NRG1: variants seen among roughly 807,000 people sequenced by gnomAD.
The protein encoded by NRG1 is pro-neuregulin-1, membrane-bound isoform.
A neutral mutation model predicts 63.8 loss-of-function variants in NRG1; 18 were observed. The observed-to-expected ratio is 0.28, with a 90% CI of 0.19 to 0.42. NRG1 has a LOEUF of 0.42. Among genes scored for constraint, NRG1 ranks in the 10% least tolerant of loss-of-function variants. NRG1 has a pLI of 1.00. For synonymous variants in NRG1, 302 were observed against 301.3 expected (o/e 1.00, Z -0.02); for missense variants, 762 against 814.7 (o/e 0.94, Z 0.79).
At position 31,749,901 on chromosome 8, in the gene NRG1, A is replaced by G. The variant is rs528333146; in HGVS notation, c.37+110470A>G. Among the ~76,000 whole-genome samples, 4 of 151,954 alleles carry G rather than the reference A, an allele frequency of 2.6e-5. No homozygotes were observed. In the East Asian group the frequency reaches 7.8e-4, roughly 30 times the overall value. ...TTTTATTTTTGGAAGCCAAGCCAGC[A>G]GTTGTTTAAAATTCATGCCTCTGCA... On this transcript the variant is annotated intron_variant, in intron 1 of 10. Coordinates refer to the NRG1 transcript ENST00000519301.
At chr8:32,445,907 G>A (rs937847084) in intron 1 of NRG1, among the ~76,000 whole-genome samples, 1 of 151,808 alleles carries the variant, frequency 6.6e-6, no homozygotes, top group African/African-American at 2.4e-5. Context: ...TGTGGGGTGG[G>A]GATGTTCACC....
intron 1 of NRG1, among the ~76,000 whole-genome samples, chr8:32,124,112 A>G (rs1222748423): frequency 1.3e-5 from 2 of 151,986 alleles, no homozygotes; most frequent in African/African-American, 4.8e-5. Flanking sequence ...TTTTGCATAA[A>G]TGACATGTGA....
At chr8:32,446,329 C>T (rs900072262) in intron 1 of NRG1, among the ~76,000 whole-genome samples, 7 of 152,080 alleles carry the variant, frequency 4.6e-5, no homozygotes, top group African/African-American at 1.4e-4. Context: ...TCAGAAGGGG[C>T]ATCTTCTGGG....
chr8:32,037,969 C>G (rs1819341751), intron 1 of NRG1, among the ~76,000 whole-genome samples: 1 of 152,204 alleles, frequency 6.6e-6, no homozygotes, highest in South Asian at 2.1e-4. Flanking sequence ...AGCTTCAGCC[C>G]CCTTCCCACA....
In NRG1 at chr8:31,750,015, C is replaced by G. The variant is rs1052246258; in HGVS notation, c.37+110584C>G. The stretch of plus-strand genomic sequence containing the variant: ...CACGTTGCTTGTAGAAAGGATGATT[C>G]CATTCTCTCAATACCACCTTCCACC... On this transcript the variant is annotated intron_variant, in intron 1 of 10. Coordinates refer to the NRG1 transcript ENST00000519301. Among the ~76,000 whole-genome samples, 3 of 151,880 alleles carry G rather than the reference C, an allele frequency of 2.0e-5. No homozygotes were observed. In the East Asian group the frequency reaches 5.8e-4, roughly 30 times the overall value.
At position 31,640,812 on chromosome 8, in the gene NRG1, C is replaced by T; in HGVS notation, c.37+1381C>T. Reference sequence around the variant, plus strand: ...CGCGGGCAGCGGGGCTCGACGGCCGCCCGAGCAAGGCAGAGGCGCTCTGGG... The same window carrying T: ...CGCGGGCAGCGGGGCTCGACGGCCGTCCGAGCAAGGCAGAGGCGCTCTGGG... On this transcript the variant is annotated intron_variant, in intron 1 of 10. Transcript: ENST00000519301. The surrounding 1 kb of genome is among the most constrained non-coding windows in gnomAD (Gnocchi z 6.3). The T allele has an allele frequency of 2.8e-6, 4 of 1,430,246 alleles. No individual in the cohort carries two copies. In the South Asian group the frequency reaches 4.6e-5, roughly 16 times the overall value. The allele number at this position is 1,430,246 out of a possible 1,614,324, so 88.6% of individuals were successfully genotyped here.
chr8:31,755,240 G>A (rs12679454), intron 1 of NRG1, among the ~76,000 whole-genome samples: 7,704 of 152,164 alleles, frequency 0.051, 259 homozygotes, highest in Admixed American at 0.11. Context: ...GTGTCCAGCT[G>A]TAATCCCAAT....
At chr8:32,031,602 G>T in intron 1 of NRG1, among the ~76,000 whole-genome samples, 1 of 152,026 alleles carries the variant, frequency 6.6e-6, no homozygotes, top group East Asian at 1.9e-4. Context: ...TTATCCTGAT[G>T]ATCTCCCTCC....
At chr8:31,654,376 G>T (rs1231202634) in intron 1 of NRG1, among the ~76,000 whole-genome samples, 1 of 152,170 alleles carries the variant, frequency 6.6e-6, no homozygotes, top group African/African-American at 2.4e-5. Flanking sequence ...AGTCTTTTGT[G>T]CATCTGTATC....
chr8:31,866,293 T>C (rs879772013), intron 1 of NRG1, among the ~76,000 whole-genome samples: 4 of 152,196 alleles, frequency 2.6e-5, no homozygotes, highest in Non-Finnish European at 5.9e-5. Context: ...GTATTGCCCA[T>C]ACATGGAATT....
intron 1 of NRG1, among the ~76,000 whole-genome samples, chr8:32,593,702 G>C (rs1462882589): frequency 6.6e-6 from 1 of 152,008 alleles, no homozygotes. Context: ...AATTAAAAAT[G>C]ATCTTAAGGA....
rs116230924 is a variant in NRG1, at chr8:32,089,964, G to A, written c.37+450533G>A. Among the ~76,000 whole-genome samples the A allele has an allele frequency of 2.9e-3, 446 of 152,240 alleles. 1 individual carries two copies. The highest frequency in any genetic ancestry group is 0.01 in the African/African-American group (422 of 41,552). On this transcript the variant is annotated intron_variant, in intron 1 of 10. Coordinates refer to the NRG1 transcript ENST00000519301. Reference sequence around the variant, plus strand: ...TTTGACCTGGCTGTATAATGTATGTGGTGAAACAGAACTCCTTTATTATTA... The same window carrying A: ...TTTGACCTGGCTGTATAATGTATGTAGTGAAACAGAACTCCTTTATTATTA...
At chr8:32,649,067 T>C (rs1854352989) in intron 5 of NRG1, among the ~76,000 whole-genome samples, 1 of 152,228 alleles carries the variant, frequency 6.6e-6, no homozygotes, top group Non-Finnish European at 1.5e-5. Context: ...CATGAAGGAT[T>C]TTCCCAAATT....
intron 5 of NRG1, among the ~76,000 whole-genome samples, chr8:32,699,943 G>A (rs900375110): frequency 1.3e-5 from 2 of 152,096 alleles, no homozygotes; most frequent in Non-Finnish European, 2.9e-5. Flanking sequence ...TAAGTTACAC[G>A]TTATAAGATT....
At chr8:32,395,290 A>G (rs892436181) in intron 1 of NRG1, among the ~76,000 whole-genome samples, 2 of 152,222 alleles carry the variant, frequency 1.3e-5, no homozygotes, top group Non-Finnish European at 2.9e-5. Context: ...TAGGGTAGGT[A>G]CATGTGTACC....
chr8:32,604,823 G>C (rs1563749698), intron 2 of NRG1, among the ~76,000 whole-genome samples: 1 of 151,932 alleles, frequency 6.6e-6, no homozygotes. Context: ...TTAAATTATA[G>C]GTTATGTGCA....
At chr8:31,985,275 T>C (rs901821997) in intron 1 of NRG1, among the ~76,000 whole-genome samples, 5 of 152,070 alleles carry the variant, frequency 3.3e-5, no homozygotes, top group African/African-American at 1.2e-4. Context: ...GAATTCTAGT[T>C]CTATGTTTGA....
chr8:32,531,115 A>C (rs867541085), intron 1 of NRG1, among the ~76,000 whole-genome samples: 3 of 149,554 alleles, frequency 2.0e-5, no homozygotes, highest in African/African-American at 7.3e-5. Context: ...GAAAGGAAAG[A>C]AAGAAAGAGA....
intron 1 of NRG1, among the ~76,000 whole-genome samples, chr8:32,567,365 G>A (rs2439307): frequency 0.97 from 147,566 of 152,298 alleles, 71,652 homozygotes; most frequent in East Asian, 1. Flanking sequence ...ACTGAATGCA[G>A]TTGCTGTGGT....
Sources: allele counts gnomAD v4.1 joint callset (sites outside exome capture counted in the v4.1 genomes callset), GRCh38; gene constraint gnomAD v4.1.1; non-coding constraint Gnocchi (gnomAD v3.1); transcripts MANE v1.5; gene names NCBI Gene and HGNC (gene_info 2026-07-23, HGNC 2026-07-21).